ABCA12: variants seen among roughly 807,000 people sequenced by gnomAD.
The protein encoded by ABCA12 is ATP binding cassette subfamily A member 12, also known as glucosylceramide transporter ABCA12.
ABCA12 carries 156 observed loss-of-function variants against 293.5 expected under a neutral mutation model. The observed-to-expected ratio is 0.53, with a 90% CI of 0.47 to 0.61. The LOEUF (loss-of-function observed/expected upper bound fraction) is 0.61, where lower values mean the gene tolerates loss of function less well. ABCA12 is among the 20% of genes least tolerant of loss of function. The pLI is 0.00. For missense variants in ABCA12, 2,797 were observed against 3,090.2 expected (o/e 0.91, Z 2.25); for synonymous variants, 1,063 against 1,108.0 (o/e 0.96, Z 0.81).
At position 214,951,015 on chromosome 2, in the gene ABCA12, G is replaced by A. The variant is rs1698748688; in HGVS notation, c.6716C>T (p.Ala2239Val). The change falls in exon 45 of 53, where the codon GCT (alanine) becomes GTT (valine). Residue 2239 changes from alanine to valine, a missense_variant. Around this residue, in one of 3 missense-constraint regions of ABCA12, gnomAD observed 2,130 missense variants for 2,427.0 expected, o/e 0.88. Coordinates refer to ENST00000272895, the MANE Select transcript of ABCA12 (RefSeq NM_173076.3). ...ETIDEDEDVR[A>V]ERLRVESGAA... ...ACCACTCTCAACTCTTAATCTCTCA[G>A]CCCGCACATCTTCATCCTCATCTAT... is the stretch of plus-strand genomic sequence containing the variant. 6.2e-7 allele frequency: 1 copy of A among 1,614,090 alleles called. No individual in the cohort carries two copies.
At position 215,004,255 on chromosome 2, in the gene ABCA12, G is replaced by T. The variant is rs760070967; in HGVS notation, c.2637C>A (p.Ser879=). The T allele has an allele frequency of 1.9e-6, 3 of 1,613,782 alleles. No homozygotes were observed. Residue 879 remains serine, a synonymous_variant, in exon 20 of 53, where the codon TCC becomes TCA. Transcript: ENST00000272895. Reference sequence around the variant, plus strand: ...ATAGTTCAACAGCATCGAGTCCCACGGAGAACTTTACAAAAACTTGCACAA... The same window carrying T: ...ATAGTTCAACAGCATCGAGTCCCACTGAGAACTTTACAAAAACTTGCACAA... ...NPFVQVFVKF[S]VGLDAVELLK...
In ABCA12 at chr2:215,016,733, GAA is replaced by G. The variant is rs1331602137; in HGVS notation, c.1783-1072_1783-1071del. On this transcript the variant is annotated intron_variant, in intron 14 of 52. Transcript: ENST00000272895. ...TGTGGGTCCAGAGATGTAAAGCAAA[GAA>G]AAAGAGTTTCAGATCCTACAATCAT... 4.0e-5 allele frequency among the ~76,000 whole-genome samples: 6 copies of G among 150,578 alleles called. No individual in the cohort carries two copies. In the East Asian group the frequency reaches 5.9e-4, roughly 15 times the overall value.
intron 1 of ABCA12, among the ~76,000 whole-genome samples, chr2:215,135,353 T>C (rs1389493253): frequency 6.6e-6 from 1 of 152,244 alleles, no homozygotes; most frequent in South Asian, 2.1e-4. Flanking sequence ...GCTTTTTTCA[T>C]GTGCCATTTG....
rs763886491 is a variant in ABCA12 at position 215,001,026 on chromosome 2, A to T, written c.2864-6T>A. On this transcript the variant is annotated splice_polypyrimidine_tract_variant and splice_region_variant and intron_variant, in intron 21 of 52. Transcript: ENST00000272895. ...AGGAAGCTTAAAAATAACACCTAAA[A>T]ATAAAATGGCAACAACAGCAGAAAG... The T allele has an allele frequency of 1.5e-5, 24 of 1,613,582 alleles. No homozygotes were observed. In the Admixed American group the frequency reaches 2.2e-4, roughly 15 times the overall value.
chr2:215,067,708 G>C (rs2106078047), intron 2 of ABCA12, among the ~76,000 whole-genome samples: 1 of 152,230 alleles, frequency 6.6e-6, no homozygotes, highest in East Asian at 1.9e-4. Flanking sequence ...AAGGCAGTGA[G>C]GAGCCAGCCA....
intron 24 of ABCA12, among the ~76,000 whole-genome samples, chr2:214,990,132 CT>C (rs2105975916): frequency 6.6e-6 from 1 of 152,266 alleles, no homozygotes; most frequent in East Asian, 1.9e-4. Flanking sequence ...TTATTCATTA[CT>C]TTTTATTTCC....
Position 215,011,441 on chromosome 2 carries a change from G to A in ABCA12, c.2330C>T (p.Ser777Phe), listed in dbSNP as rs138952646. Residue 777 changes from serine (S) to phenylalanine (F), a missense_variant and splice_region_variant, in exon 17 of 53, where the codon TCC becomes TTC. Ser to Phe is a radical substitution (Grantham distance 155). Coordinates refer to ENST00000272895, the MANE Select transcript of ABCA12 (RefSeq NM_173076.3). The part of the protein sequence containing the change: ...IASKYGIPIN[S>F]TPFCFSLYKD... The stretch of plus-strand genomic sequence containing the variant: ...TGCTTATTTTAAAGTATACTCACTG[G>A]AATTTATGGGAATTCCATATTTTGA... 2.2e-4 allele frequency: 354 copies of A among 1,597,010 alleles called. No individual in the cohort carries two copies. The African/African-American group carries it at 3.9e-3, about 18-fold the overall frequency.
chr2:215,083,886 G>C (rs143083642), intron 2 of ABCA12, among the ~76,000 whole-genome samples: 1 of 152,216 alleles, frequency 6.6e-6, no homozygotes, highest in Non-Finnish European at 1.5e-5. Context: ...ATTTGGTATG[G>C]TTTGGTCTTT....
Position 215,064,187 on chromosome 2 carries a change from CAGTACT to C in ABCA12, c.190_195del (p.Ser64_Thr65del). ...AGGGTCTGCAGGAATGGAAAGAATC[CAGTACT>C]AGGAAGGTTTCGAGGTGCGAGGTAA... On this transcript the variant is annotated inframe_deletion, in exon 3 of 53. Transcript: ENST00000272895. The C allele has an allele frequency of 6.2e-7, 1 of 1,612,590 alleles. No homozygotes were observed. The highest frequency in any genetic ancestry group is 8.5e-7 in the Non-Finnish European group (1 of 1,179,134).
chr2:215,129,269 G>T (rs1215731827), intron 1 of ABCA12, among the ~76,000 whole-genome samples: 1 of 152,126 alleles, frequency 6.6e-6, no homozygotes, highest in South Asian at 2.1e-4. Context: ...GTTTTGGAAG[G>T]GTCTCGGATC....
chr2:215,079,889 A>T (rs1018414237), intron 2 of ABCA12, among the ~76,000 whole-genome samples: 1 of 152,238 alleles, frequency 6.6e-6, no homozygotes, highest in African/African-American at 2.4e-5. Flanking sequence ...TTAAATTTAG[A>T]TATATCGACA....
Position 214,956,790 on chromosome 2 carries a change from T to C in ABCA12, c.6118-12A>G. 1 of 1,575,428 alleles carries C rather than the reference T, an allele frequency of 6.3e-7. No homozygotes were observed. Among genetic ancestry groups the C allele is most frequent in the South Asian group, 1.1e-5 (1 of 90,206 alleles). ...ACCAAGTAGAAAACCTATGGAAATA[T>C]TCAAAACAATGTTTAATACGTGACA... On this transcript the variant is annotated splice_polypyrimidine_tract_variant and intron_variant, in intron 41 of 52. Transcript: ENST00000272895.
At chr2:214,935,317 C>G (rs763970435) in intron 51 of ABCA12, among the ~76,000 whole-genome samples, 31 of 152,240 alleles carry the variant, frequency 2.0e-4, no homozygotes, top group Non-Finnish European at 4.3e-4. Context: ...TTGTATAGCC[C>G]TGGTCCCATG....
chr2:215,084,569 C>T (rs1218720588), intron 2 of ABCA12, among the ~76,000 whole-genome samples: 1 of 152,098 alleles, frequency 6.6e-6, no homozygotes, highest in Non-Finnish European at 1.5e-5. Flanking sequence ...TTTCAATTCC[C>T]AAGGCTGAAT....
Position 214,932,303 on chromosome 2 carries a change from A to G in ABCA12, c.*331T>C. 1 of 271,510 alleles carries G rather than the reference A, an allele frequency of 3.7e-6. No homozygotes were observed. Among genetic ancestry groups the G allele is most frequent in the Admixed American group, 5.0e-5 (1 of 19,898 alleles). 16.8% of individuals were successfully genotyped at this position (271,510 alleles called of 1,614,324 possible). On this transcript the variant is annotated 3_prime_UTR_variant, in exon 53 of 53. Transcript: ENST00000272895. Reference sequence around the variant, plus strand: ...TCTTATATTTCAACTACCAAAATCCATGCCTTTTAAACTGTCTTTTTATTG... The same window carrying G: ...TCTTATATTTCAACTACCAAAATCCGTGCCTTTTAAACTGTCTTTTTATTG...
At chr2:214,995,677 C>T (rs1430842295) in intron 23 of ABCA12, among the ~76,000 whole-genome samples, 2 of 152,122 alleles carry the variant, frequency 1.3e-5, no homozygotes, top group African/African-American at 4.8e-5. Flanking sequence ...ACTCCTTCCA[C>T]GCTCACCTCC....
chr2:214,946,763 A>C (rs924833064), intron 48 of ABCA12, among the ~76,000 whole-genome samples: 6 of 152,162 alleles, frequency 3.9e-5, no homozygotes, highest in Non-Finnish European at 7.4e-5. Flanking sequence ...CCTTTGACAA[A>C]GTTAGACTTG....
In ABCA12 at chr2:215,015,541, G is replaced by C. The variant is rs1215905885; in HGVS notation, c.1905C>G (p.Leu635=). 1 of 1,614,138 alleles carries C rather than the reference G, an allele frequency of 6.2e-7. No individual in the cohort carries two copies. Among genetic ancestry groups the C allele is most frequent in the South Asian group, 1.1e-5 (1 of 91,084 alleles). ...AGTAGTGCAGAAGGGTGAGTCCGAT[G>C]AGGTAAGACTGCCGGGATCTCTCTG... is the stretch of plus-strand genomic sequence containing the variant. The part of the protein sequence containing the change: ...SLSERSRQSY[L]IGLTLLHYLN... The change falls in exon 15 of 53, where the codon CTC becomes CTG. Residue 635 remains leucine (L), a synonymous_variant. Transcript: ENST00000272895.
chr2:214,970,439 A>G (rs532533787), intron 36 of ABCA12, 39 bp from the exon 37 acceptor site: 5 of 1,610,738 alleles, frequency 3.1e-6, no homozygotes, highest in Admixed American at 3.3e-5. Context: ...TTTCTGGCCA[A>G]TGCTGTGCAA....
Sources: allele counts gnomAD v4.1 joint callset (sites outside exome capture counted in the v4.1 genomes callset), GRCh38; gene constraint gnomAD v4.1.1; regional missense constraint gnomAD v4.1.1; transcripts MANE v1.5; gene names NCBI Gene and HGNC (gene_info 2026-07-23, HGNC 2026-07-21).